The following FHAD1 variants were observed in gnomAD, a reference collection of about 807,000 sequenced individuals.
FHAD1 encodes the protein forkhead-associated domain-containing protein 1.
In FHAD1, 146 loss-of-function variants were observed where a neutral mutation model predicts 191.3. That is an observed-to-expected ratio of 0.76 (90% CI 0.67 to 0.88). The LOEUF (loss-of-function observed/expected upper bound fraction) is 0.88, where lower values mean the gene tolerates loss of function less well. Ranked by LOEUF, FHAD1 falls within the 40% of genes least tolerant of loss-of-function variation. The pLI, the probability that FHAD1 is intolerant of heterozygous loss-of-function variation, is 0.00. For synonymous variants in FHAD1, 616 were observed against 672.3 expected (o/e 0.92, Z 1.29); for missense variants, 1,635 against 1,785.8 (o/e 0.92, Z 1.52).
rs1700904478 is a variant in FHAD1 at position 15,381,534 on chromosome 1, G to C, written c.4022+83G>C. On this transcript the variant is annotated intron_variant, in intron 30 of 33. Coordinates refer to ENST00000688493, the MANE Select transcript of FHAD1 (RefSeq NM_001391957.1). The surrounding 1 kb of genome is among the most constrained non-coding windows in gnomAD (Gnocchi z 4.6). The stretch of plus-strand genomic sequence containing the variant: ...AACTCAGGCTAGCAGCAGACCTCTA[G>C]GCCTGGGACAGGAGGACAGAGACCC... 3.6e-5 allele frequency: 40 copies of C among 1,096,392 alleles called. No homozygotes were observed. Among genetic ancestry groups the C allele is most frequent in the South Asian group, 2.7e-4 (19 of 69,926 alleles). The allele number at this position is 1,096,392 out of a possible 1,614,324, so 67.9% of individuals were successfully genotyped here. A position where few individuals can be genotyped will look rare whatever the true frequency, so the allele number is the denominator to read the frequency against.
At chr1:15,399,428 T>A (rs945880415), downstream of FHAD1, among the ~76,000 whole-genome samples, 3 of 152,094 alleles carry the variant, frequency 2.0e-5, no homozygotes, top group African/African-American at 7.2e-5. Flanking sequence ...TTAGCTGGCA[T>A]GGTGGTGTGT....
intron 15 of FHAD1, among the ~76,000 whole-genome samples, chr1:15,340,124 C>G (rs115933662): frequency 0.023 from 3,549 of 152,302 alleles, 148 homozygotes; most frequent in African/African-American, 0.079. Flanking sequence ...CTGCACCAGC[C>G]TTAATGCCAT....
At chr1:15,395,051 C>A (rs574103693) in intron 33 of FHAD1, among the ~76,000 whole-genome samples, 1 of 152,214 alleles carries the variant, frequency 6.6e-6, no homozygotes, top group African/African-American at 2.4e-5. Flanking sequence ...CGGTGGCTCA[C>A]GCCTGTAATC....
At chr1:15,371,177 T>C (rs1197995979) in intron 26 of FHAD1, among the ~76,000 whole-genome samples, 1 of 152,178 alleles carries the variant, frequency 6.6e-6, no homozygotes, top group Non-Finnish European at 1.5e-5. Context: ...ATTCATTCAC[T>C]CCTTCAACAA....
intron 1 of FHAD1, among the ~76,000 whole-genome samples, chr1:15,237,628 T>G (rs1644922263): frequency 6.6e-6 from 1 of 152,166 alleles, no homozygotes. Context: ...TTGACAACGA[T>G]TCAAATTCAG....
chr1:15,245,587 C>G (rs2100643244), upstream of FHAD1, among the ~76,000 whole-genome samples: 1 of 152,340 alleles, frequency 6.6e-6, no homozygotes, highest in South Asian at 2.1e-4. Context: ...TTGACCCTCT[C>G]TGTTCCTGTG....
intron 28 of FHAD1, among the ~76,000 whole-genome samples, chr1:15,376,645 G>T (rs921127280): frequency 6.6e-6 from 1 of 152,198 alleles, no homozygotes; most frequent in South Asian, 2.1e-4. Flanking sequence ...GCTGTAAAAT[G>T]ATGACAAAAA....
At chr1:15,305,747 C>T (rs965419555) in intron 6 of FHAD1, 1 of 448,320 alleles carries the variant, frequency 2.2e-6, no homozygotes, top group Non-Finnish European at 4.5e-6. Flanking sequence ...CGCATTTTCT[C>T]TTGCCGCCGC....
chr1:15,336,939 T>G (rs1684402292), intron 14 of FHAD1, among the ~76,000 whole-genome samples: 2 of 152,206 alleles, frequency 1.3e-5, no homozygotes, highest in Non-Finnish European at 2.9e-5. Flanking sequence ...CGAGGGTGTT[T>G]TCTCCTGTGC....
In FHAD1 at chr1:15,397,339, G is replaced by C. The variant is rs1706357892; in HGVS notation, c.4366G>C (p.Glu1456Gln). ...KASLKMDQER[E>Q]MLRKETSSKS... is the part of the protein sequence containing the mutation. ...CTCCCTAAAGATGGACCAAGAAAGA[G>C]AGATGCTGAGGAAAGAGACCTCCAG... The change falls in exon 34 of 34, where the codon GAG becomes CAG. Residue 1456 changes from glutamate (E) to glutamine (Q), a missense_variant. Physicochemically the swap from Glu to Gln is conservative, Grantham distance 29. Transcript: ENST00000688493. 9 of 1,545,806 alleles carry C rather than the reference G, an allele frequency of 5.8e-6. No homozygotes were observed. The South Asian group carries it at 9.6e-5, about 16-fold the overall frequency.
intron 1 of FHAD1, among the ~76,000 whole-genome samples, chr1:15,241,455 T>A (rs1278946759): frequency 6.6e-6 from 1 of 151,916 alleles, no homozygotes; most frequent in Non-Finnish European, 1.5e-5. Flanking sequence ...GGAGTTCGAC[T>A]TCCGGACCAA....
In FHAD1 at chr1:15,367,520, A is replaced by G. The variant is rs1339692510; in HGVS notation, c.3212A>G (p.Gln1071Arg). 1.4e-5 allele frequency: 21 copies of G among 1,551,038 alleles called. No homozygotes were observed. Among genetic ancestry groups the G allele is most frequent in the Non-Finnish European group, 1.7e-5 (19 of 1,146,872 alleles). Residue 1071 changes from glutamine (Q) to arginine (R), a missense_variant, in exon 25 of 34, where the codon CAG (glutamine) becomes CGG (arginine). By Grantham distance (43) the Gln-to-Arg change is conservative. Transcript: ENST00000688493. ...ELEQNVVLVQQQSKELSVLKE... is the reference protein window; with the variant it reads ...ELEQNVVLVQRQSKELSVLKE... ...GAGCAGAACGTGGTGCTGGTCCAGC[A>G]GCAGAGCAAGGAGCTGAGTGTGCTC... is the stretch of plus-strand genomic sequence containing the variant.
chr1:15,361,215 G>A (rs1204941125), intron 22 of FHAD1, among the ~76,000 whole-genome samples: 2 of 152,186 alleles, frequency 1.3e-5, no homozygotes, highest in Non-Finnish European at 2.9e-5. Context: ...CTTGAAGAAA[G>A]TTCTGGAAGT....
At chr1:15,283,236 C>A (rs2100338914) in intron 3 of FHAD1, among the ~76,000 whole-genome samples, 1 of 152,240 alleles carries the variant, frequency 6.6e-6, no homozygotes, top group South Asian at 2.1e-4. Flanking sequence ...CACTGGTGGG[C>A]GTGTCTTATG....
intron 33 of FHAD1, among the ~76,000 whole-genome samples, chr1:15,395,634 G>T (rs59519309): frequency 0.041 from 6,187 of 152,192 alleles, 297 homozygotes; most frequent in African/African-American, 0.11. Context: ...CTGCCAGGAC[G>T]CCCCCTCCTT....
At chr1:15,379,556 C>T (rs1480617856) in intron 28 of FHAD1, among the ~76,000 whole-genome samples, 2 of 152,186 alleles carry the variant, frequency 1.3e-5, no homozygotes, top group East Asian at 3.9e-4. Context: ...CTCCTCAGCA[C>T]AGACCCTTTA....
rs1041861504 is a variant in FHAD1 at position 15,355,151 on chromosome 1, A to G, written c.2562+2167A>G. On this transcript the variant is annotated intron_variant, in intron 20 of 33. Transcript: ENST00000688493. ...TTGAACCCGGGAGGCAGAGGTTGCA[A>G]TGAGTCAAGGTCATGCCATTGCACT... Among the ~76,000 whole-genome samples the G allele has an allele frequency of 5.9e-5, 9 of 151,832 alleles. No individual in the cohort carries two copies. The South Asian group carries it at 1.7e-3, about 28-fold the overall frequency.
intron 25 of FHAD1, among the ~76,000 whole-genome samples, chr1:15,369,168 C>T (rs1417332733): frequency 1.3e-5 from 2 of 152,196 alleles, no homozygotes; most frequent in East Asian, 3.8e-4. Flanking sequence ...GTGCAGGAAC[C>T]AAGGGCAGGT....
chr1:15,256,934 A>G (rs1648472130), intron 2 of FHAD1, among the ~76,000 whole-genome samples: 1 of 152,192 alleles, frequency 6.6e-6, no homozygotes, highest in African/African-American at 2.4e-5. Flanking sequence ...TGTTCTCTAT[A>G]GCATGTCAGC....
Sources: allele counts gnomAD v4.1 joint callset (sites outside exome capture counted in the v4.1 genomes callset), GRCh38; gene constraint gnomAD v4.1.1; non-coding constraint Gnocchi (gnomAD v3.1); transcripts MANE v1.5; gene names NCBI Gene and HGNC (gene_info 2026-07-23, HGNC 2026-07-21).